TBL1XR1: variants seen among roughly 807,000 people sequenced by gnomAD.
TBL1XR1 encodes F-box-like/WD repeat-containing protein TBL1XR1.
A neutral mutation model predicts 66.9 loss-of-function variants in TBL1XR1; 5 were observed. The ratio of observed to expected loss-of-function variants is 0.07; its 90% CI spans 0.04 to 0.16. The LOEUF (loss-of-function observed/expected upper bound fraction) is 0.16, where lower values mean the gene tolerates loss of function less well. TBL1XR1 is among the 10% of genes least tolerant of loss of function. The pLI is 1.00. For synonymous variants in TBL1XR1, 210 were observed against 206.0 expected (o/e 1.02, Z -0.17); for missense variants, 238 against 623.2 (o/e 0.38, Z 6.58).
chr3:177,190,896 T>C (rs1274459502), intron 1 of TBL1XR1, among the ~76,000 whole-genome samples: 1 of 152,120 alleles, frequency 6.6e-6, no homozygotes, highest in Non-Finnish European at 1.5e-5. Flanking sequence ...AACATCGTAG[T>C]TGGGGCAACA....
intron 3 of TBL1XR1, 120 bp from the exon 4 acceptor site, chr3:177,054,038 C>T (rs901256555): frequency 1.1e-4 from 122 of 1,085,596 alleles, no homozygotes; most frequent in Admixed American, 2.7e-4. Context: ...AAATCCCAGA[C>T]GAAGGTCGTG....
rs547594304 is a variant in TBL1XR1, at chr3:177,156,901, A to G, written c.-122+40220T>C. ...GGGACAAGTCAAGCACAAAATACAC[A>G]GTGTATGTATCACTTTCTACTCTTG... is the stretch of plus-strand genomic sequence containing the variant. On this transcript the variant is annotated intron_variant, in intron 1 of 15. Transcript: ENST00000457928. Among the ~76,000 whole-genome samples, 19 of 152,344 alleles carry G rather than the reference A, an allele frequency of 1.2e-4. 1 individual carries two copies. Among genetic ancestry groups the G allele is most frequent in the Middle Eastern group, 6.8e-3 (2 of 294 alleles).
At chr3:177,146,589 C>CAAAAAAAAAAAAAA (rs78065426) in intron 1 of TBL1XR1, among the ~76,000 whole-genome samples, 2,400 of 51,786 alleles carry the variant, frequency 0.046, 517 homozygotes, top group East Asian at 0.11. Context: ...GACTCCATCT[C>CAAAAAAAAAAAAAA]AAAAAAAAAA....
At chr3:177,179,039 G>GC (rs1734483160) in intron 1 of TBL1XR1, among the ~76,000 whole-genome samples, 1 of 150,642 alleles carries the variant, frequency 6.6e-6, no homozygotes. Context: ...ATTGCTTGAA[G>GC]CCGGGAGGTG....
At position 177,033,199 on chromosome 3, in the gene TBL1XR1, C is replaced by T. The variant is rs189143133; in HGVS notation, c.1251-63G>A. ...GGAAATACTCCCCCAGCCTTGCTCCCACCCAACCTCCCATATTCAGCCAAA... is the reference window on the plus strand; with the variant it reads ...GGAAATACTCCCCCAGCCTTGCTCCTACCCAACCTCCCATATTCAGCCAAA... On this transcript the variant is annotated intron_variant, in intron 13 of 15. Transcript: ENST00000457928. 1.3e-5 allele frequency: 18 copies of T among 1,364,028 alleles called. No homozygotes were observed. In the East Asian group the frequency reaches 3.8e-4, roughly 28 times the overall value. 84.5% of individuals were successfully genotyped at this position (1,364,028 alleles called of 1,614,324 possible).
At position 177,019,606 on chromosome 3, in the gene TBL1XR1, T is replaced by C. The variant is rs942057319; in HGVS notation, c.*5892A>G. On this transcript the variant is annotated 3_prime_UTR_variant, in exon 16 of 16. Coordinates refer to ENST00000457928, the MANE Select transcript of TBL1XR1 (RefSeq NM_024665.7). ...TTTTCCTCCACTGTATTTTTTCAAA[T>C]GAATATATTGGTAAAACAGTAAACT... 7.2e-5 allele frequency: 11 copies of C among 152,174 alleles called. No individual in the cohort carries two copies. Among genetic ancestry groups the C allele is most frequent in the African/African-American group, 9.7e-5 (4 of 41,438 alleles). The allele number at this position is 152,174 out of a possible 1,614,324, so 9.4% of individuals were successfully genotyped here.
chr3:177,154,962 T>G (rs111310383), intron 1 of TBL1XR1, among the ~76,000 whole-genome samples: 165 of 151,920 alleles, frequency 1.1e-3, no homozygotes, highest in African/African-American at 3.7e-3. Context: ...CAAAGAAAAG[T>G]CCCATACAAA....
chr3:177,033,633 C>T (rs1054674018), intron 13 of TBL1XR1, among the ~76,000 whole-genome samples: 4 of 151,874 alleles, frequency 2.6e-5, no homozygotes, highest in South Asian at 4.2e-4. Context: ...TAACTTGAAA[C>T]AATAATAAAA....
At chr3:177,187,794 CG>C (rs1560279950) in intron 1 of TBL1XR1, among the ~76,000 whole-genome samples, 1 of 151,294 alleles carries the variant, frequency 6.6e-6, no homozygotes, top group African/African-American at 2.4e-5. Flanking sequence ...ATTCCACATC[CG>C]ATCTCAGACA....
intron 1 of TBL1XR1, among the ~76,000 whole-genome samples, chr3:177,116,436 G>C (rs1726319989): frequency 6.6e-6 from 1 of 152,006 alleles, no homozygotes; most frequent in African/African-American, 2.4e-5. Context: ...TATGTTTTTA[G>C]TTTCCCAAAC....
intron 1 of TBL1XR1, among the ~76,000 whole-genome samples, chr3:177,108,608 T>C (rs571037742): frequency 1.6e-4 from 24 of 152,300 alleles, no homozygotes; most frequent in African/African-American, 5.5e-4. Context: ...GTAATACTAA[T>C]ATCAGTTAAT....
At position 177,050,080 on chromosome 3, in the gene TBL1XR1, T is replaced by C. The variant is rs1716849807; in HGVS notation, c.619A>G (p.Thr207Ala). 1 of 1,613,804 alleles carries C rather than the reference T, an allele frequency of 6.2e-7. No individual in the cohort carries two copies. The highest frequency in any genetic ancestry group is 8.5e-7 in the Non-Finnish European group (1 of 1,179,788). Residue 207 changes from threonine (T) to alanine (A), a missense_variant, in exon 7 of 16, where the codon ACA becomes GCA. By Grantham distance (58) the Thr-to-Ala change is moderately conservative. Coordinates refer to ENST00000457928, the MANE Select transcript of TBL1XR1 (RefSeq NM_024665.7). ...NLSENSTSGS[T>A]QLVLRHCIRE... ...ATACAATGTCTAAGTACTAACTGTG[T>C]AGAGCCACTGGTGCTGTTCTCACTA...
chr3:177,094,889 G>A (rs948510476), intron 2 of TBL1XR1, among the ~76,000 whole-genome samples: 1 of 151,966 alleles, frequency 6.6e-6, no homozygotes, highest in African/African-American at 2.4e-5. Context: ...CAGGTGATGA[G>A]TGCACCAAAA....
chr3:177,146,607 A>AAAAAAAAAAAAAAAAAAAAAAAAAAC (rs1230752188), intron 1 of TBL1XR1, among the ~76,000 whole-genome samples: 1 of 149,338 alleles, frequency 6.7e-6, no homozygotes, highest in Non-Finnish European at 1.5e-5. Flanking sequence ...AAAAAAAAAA[A>AAAAAAAAAAAAAAAAAAAAAAAAAAC]GTTGTATTCA....
chr3:177,062,138 C>T (rs756265223), intron 3 of TBL1XR1, among the ~76,000 whole-genome samples: 4 of 152,140 alleles, frequency 2.6e-5, no homozygotes, highest in Non-Finnish European at 5.9e-5. Flanking sequence ...CTCATTATTC[C>T]GCCTGACCCA....
At chr3:177,072,440 A>G (rs1015311465) in intron 2 of TBL1XR1, among the ~76,000 whole-genome samples, 16 of 151,534 alleles carry the variant, frequency 1.1e-4, no homozygotes, top group Admixed American at 3.9e-4. Context: ...TATTACTAGT[A>G]GTCATTGTAT....
chr3:177,109,143 G>T (rs1725250351), intron 1 of TBL1XR1, among the ~76,000 whole-genome samples: 1 of 152,030 alleles, frequency 6.6e-6, no homozygotes, highest in South Asian at 2.1e-4. Flanking sequence ...TTGTATATTT[G>T]TAATTAATTT....
intron 1 of TBL1XR1, among the ~76,000 whole-genome samples, chr3:177,141,022 T>G: frequency 6.6e-6 from 1 of 152,122 alleles, no homozygotes; most frequent in East Asian, 1.9e-4. Flanking sequence ...AATCCTTATC[T>G]TGTAAAAATA....
intron 1 of TBL1XR1, among the ~76,000 whole-genome samples, chr3:177,108,450 C>A (rs865988207): frequency 6.6e-6 from 1 of 152,138 alleles, no homozygotes; most frequent in Non-Finnish European, 1.5e-5. Flanking sequence ...CATATCCATA[C>A]AACTGTAAGC....
Sources: allele counts gnomAD v4.1 joint callset (sites outside exome capture counted in the v4.1 genomes callset), GRCh38; gene constraint gnomAD v4.1.1; transcripts MANE v1.5; gene names NCBI Gene and HGNC (gene_info 2026-07-23, HGNC 2026-07-21).